Variants in MAD1L1 observed in about 807,000 individuals in gnomAD.
The protein encoded by MAD1L1 is mitotic arrest deficient 1 like 1.
In MAD1L1, 95 loss-of-function variants were observed where a neutral mutation model predicts 96.9. That is an observed-to-expected ratio of 0.98 (90% CI 0.83 to 1.16). The LOEUF (loss-of-function observed/expected upper bound fraction) is 1.16, where lower values mean the gene tolerates loss of function less well. Among genes scored for constraint, MAD1L1 ranks in the 50% most tolerant of loss-of-function variants. The pLI, the probability that MAD1L1 is intolerant of heterozygous loss-of-function variation, is 0.00. For synonymous variants in MAD1L1, 473 were observed against 396.6 expected, an observed-to-expected ratio of 1.19 and a Z score of -2.29; for missense variants, 1,007 against 954.4, an observed-to-expected ratio of 1.06 and a Z score of -0.73.
chr7:2,149,303 C>A lies in MAD1L1; in HGVS notation c.987-65G>T, dbSNP rs898084170. ...CGAGAAGTAAACCTGATTCTGCACA[C>A]AAAACAGAAGGCCAAAAGCAACCTC... On this transcript the variant is annotated intron_variant, in intron 10 of 18. Transcript: ENST00000265854. 2.7e-5 allele frequency: 37 copies of A among 1,369,998 alleles called. 1 individual carries two copies. The highest frequency in any genetic ancestry group is 2.1e-4 in the South Asian group (18 of 83,770). 84.9% of individuals were successfully genotyped at this position (1,369,998 alleles called of 1,614,324 possible).
At chr7:1,911,202 C>T (rs1036698098) in intron 17 of MAD1L1, among the ~76,000 whole-genome samples, 1 of 152,146 alleles carries the variant, frequency 6.6e-6, no homozygotes, top group African/African-American at 2.4e-5. Flanking sequence ...ACTCAACACC[C>T]GCTGGACACC....
At chr7:1,829,293 C>T (rs1301206037) in intron 18 of MAD1L1, among the ~76,000 whole-genome samples, 1 of 152,204 alleles carries the variant, frequency 6.6e-6, no homozygotes, top group South Asian at 2.1e-4. Flanking sequence ...TCTGCAGTCA[C>T]GTCACAGCAG....
intron 16 of MAD1L1, among the ~76,000 whole-genome samples, chr7:1,939,487 TGGTC>T (rs1778836136): frequency 7.8e-4 from 1 of 1,286 alleles, no homozygotes; most frequent in African/African-American, 1.3e-3. Context: ...GACATGACCA[TGGTC>T]ATGACATGGG....
intron 5 of MAD1L1, 90 bp from the exon 6 acceptor site, chr7:2,219,546 C>T (rs1793477930): frequency 3.5e-6 from 5 of 1,413,608 alleles, no homozygotes; most frequent in East Asian, 2.4e-5. Context: ...AGTGGAGAGG[C>T]GACACCACCC....
At chr7:2,057,374 G>A (rs181779116) in intron 12 of MAD1L1, among the ~76,000 whole-genome samples, 71 of 152,268 alleles carry the variant, frequency 4.7e-4, no homozygotes, top group African/African-American at 1.6e-3. Context: ...AGAATTCACC[G>A]GGCATGGTGG....
chr7:1,831,798 G>C (rs1782715646), intron 18 of MAD1L1, among the ~76,000 whole-genome samples: 1 of 152,224 alleles, frequency 6.6e-6, no homozygotes, highest in South Asian at 2.1e-4. Context: ...ACAAAGCCTG[G>C]ATGACAGCAC....
At chr7:1,867,463 G>C (rs898008276) in intron 18 of MAD1L1, among the ~76,000 whole-genome samples, 2 of 152,250 alleles carry the variant, frequency 1.3e-5, no homozygotes, top group Admixed American at 1.3e-4. Context: ...CAGGAATTGG[G>C]ACAGATCTGG....
intron 5 of MAD1L1, among the ~76,000 whole-genome samples, chr7:2,221,721 T>C (rs1174253610): frequency 2.0e-5 from 3 of 152,200 alleles, no homozygotes; most frequent in Non-Finnish European, 2.9e-5. Context: ...CAGATGCCTG[T>C]AGACCTTGCA....
At chr7:1,938,999 G>GCACACACACACGCACACACACGCA (rs1778789052) in intron 16 of MAD1L1, among the ~76,000 whole-genome samples, 3 of 48,654 alleles carry the variant, frequency 6.2e-5, no homozygotes, top group Admixed American at 2.2e-4. Context: ...GCACACACAC[G>GCACACACACACGCACACACACGCA]CACACACACA....
At chr7:2,014,889 G>A (rs1782466955) in intron 12 of MAD1L1, among the ~76,000 whole-genome samples, 1 of 152,242 alleles carries the variant, frequency 6.6e-6, no homozygotes, top group African/African-American at 2.4e-5. Context: ...ACCACGTCAG[G>A]CCTTCACTAC....
chr7:2,213,473 C>A (rs550255429), intron 9 of MAD1L1, among the ~76,000 whole-genome samples, 200 bp from the exon 10 acceptor site: 1 of 152,366 alleles, frequency 6.6e-6, no homozygotes, highest in South Asian at 2.1e-4. Flanking sequence ...CACACTGGCG[C>A]TTCCTGCCTC....
rs1398614125 is a variant in MAD1L1 at position 2,230,135 on chromosome 7, G to A, written c.-2C>T. On this transcript the variant is annotated 5_prime_UTR_variant, in exon 3 of 19. Transcript: ENST00000265854. ...GGTGTTTTCCCCCAGGTCTTCCATGGTTGCTTTCCTTCCGGGGACAGACAA... is the reference window on the plus strand; with the variant it reads ...GGTGTTTTCCCCCAGGTCTTCCATGATTGCTTTCCTTCCGGGGACAGACAA... 1 of 1,588,448 alleles carries A rather than the reference G, an allele frequency of 6.3e-7. No individual in the cohort carries two copies.
chr7:2,220,827 A>G, intron 5 of MAD1L1: 1 of 1,511,240 alleles, frequency 6.6e-7, no homozygotes, highest in Non-Finnish European at 8.9e-7. Context: ...GGTATTAAAA[A>G]CATACTAACA....
chr7:2,026,638 G>C (rs1047369976), intron 12 of MAD1L1, among the ~76,000 whole-genome samples: 3 of 152,108 alleles, frequency 2.0e-5, no homozygotes, highest in Non-Finnish European at 4.4e-5. Flanking sequence ...TCAATAAGAA[G>C]ATACCTGAAA....
chr7:2,206,624 T>C (rs934994104), intron 10 of MAD1L1, among the ~76,000 whole-genome samples: 4 of 152,268 alleles, frequency 2.6e-5, no homozygotes, highest in African/African-American at 9.6e-5. Flanking sequence ...AACATTCTAC[T>C]CTGTTCTCCT....
chr7:2,186,175 TATTC>T (rs1160075869), intron 10 of MAD1L1, among the ~76,000 whole-genome samples: 2 of 152,242 alleles, frequency 1.3e-5, no homozygotes, highest in Non-Finnish European at 2.9e-5. Context: ...AAGTGTTAAA[TATTC>T]ATACTCTATG....
At chr7:1,986,500 C>A (rs1007700617) in intron 14 of MAD1L1, among the ~76,000 whole-genome samples, 8 of 148,140 alleles carry the variant, frequency 5.4e-5, no homozygotes, top group Non-Finnish European at 7.5e-5. Flanking sequence ...TCCCTCGCGC[C>A]GGCAAGGGGG....
At chr7:1,821,452 T>C (rs1782121714) in intron 18 of MAD1L1, among the ~76,000 whole-genome samples, 1 of 152,118 alleles carries the variant, frequency 6.6e-6, no homozygotes, top group African/African-American at 2.4e-5. Context: ...CTATGAACCC[T>C]GTACTGAAAC....
rs1380504409 is a variant in MAD1L1, at chr7:1,968,946, C to T, written c.1506-11227G>A. 6.6e-6 allele frequency among the ~76,000 whole-genome samples: 1 copy of T among 152,220 alleles called. No homozygotes were observed. The highest frequency in any genetic ancestry group is 2.4e-5 in the African/African-American group (1 of 41,450). ...CAAGGGCTGGAGACAGGCCCAGAGT[C>T]ACACGCCGGTGACGAGCACCATGGC... On this transcript the variant is annotated intron_variant, in intron 15 of 18. Transcript: ENST00000265854. The surrounding 1 kb of genome is among the most constrained non-coding windows in gnomAD (Gnocchi z 5.6).
Sources: gnomAD v4.1 joint callset for allele counts (sites outside exome capture counted in the v4.1 genomes callset) on GRCh38, gnomAD v4.1.1 for gene constraint, Gnocchi (gnomAD v3.1) non-coding constraint, MANE v1.5 for transcripts, NCBI Gene and HGNC (gene_info 2026-07-23, HGNC 2026-07-21) for gene names.